The following CCDC144A variants were observed in gnomAD, a reference collection of about 807,000 sequenced individuals.
CCDC144A encodes coiled-coil domain containing 144A, also known as coiled-coil domain-containing protein 144A.
Under a neutral mutation model 143.8 loss-of-function variants are expected in CCDC144A, and 41 were observed. The ratio of observed to expected loss-of-function variants is 0.29; its 90% CI spans 0.22 to 0.37. The LOEUF is 0.37. Ranked by LOEUF, CCDC144A falls within the 10% of genes least tolerant of loss-of-function variation. The pLI is 1.00. For synonymous variants in CCDC144A, 242 were observed against 517.9 expected, an observed-to-expected ratio of 0.47 and a Z score of 7.23; for missense variants, 637 against 1,488.8, an observed-to-expected ratio of 0.43 and a Z score of 9.41.
chr17:16,745,987 G>C, intron 12 of CCDC144A: 7 of 1,610,690 alleles, frequency 4.3e-6, no homozygotes, highest in Non-Finnish European at 5.9e-6. Context: ...TGGTGTCTTT[G>C]TGATTCAGAT....
chr17:16,704,411 C>T (rs1597538643), intron 2 of CCDC144A, among the ~76,000 whole-genome samples: 1 of 152,166 alleles, frequency 6.6e-6, no homozygotes. Context: ...GCCGAGATTG[C>T]GCCATTGCAC....
intron 2 of CCDC144A, among the ~76,000 whole-genome samples, chr17:16,695,642 A>G (rs1296592268): frequency 1.3e-5 from 2 of 151,766 alleles, no homozygotes; most frequent in African/African-American, 4.8e-5. Flanking sequence ...GGAGCTTGTT[A>G]TTATCATTGT....
the CCDC144A span, among the ~76,000 whole-genome samples, chr17:16,673,837 AT>A: frequency 6.6e-6 from 1 of 151,994 alleles, no homozygotes; most frequent in Non-Finnish European, 1.5e-5. Flanking sequence ...TTTGAGCATT[AT>A]TTTTTTTAAA....
At chr17:16,760,405 A>G (rs1468820039) in intron 12 of CCDC144A, among the ~76,000 whole-genome samples, 1 of 142,898 alleles carries the variant, frequency 7.0e-6, no homozygotes. Flanking sequence ...TTTTGTTGTC[A>G]TTCTTTAATG....
At chr17:16,733,809 T>C (rs1489761190) in intron 11 of CCDC144A, among the ~76,000 whole-genome samples, 1 of 152,132 alleles carries the variant, frequency 6.6e-6, no homozygotes, top group East Asian at 1.9e-4. Context: ...CCTTTCAGAA[T>C]TGTGTATAAA....
chr17:16,731,139 C>T (rs1396788314), intron 9 of CCDC144A: 1 of 151,980 alleles, frequency 6.6e-6, no homozygotes, highest in Non-Finnish European at 1.5e-5. Flanking sequence ...ATATTAGATC[C>T]TGTCTTGTTC....
upstream of CCDC144A, among the ~76,000 whole-genome samples, chr17:16,688,581 T>A (rs2018275): frequency 1.4e-5 from 2 of 140,736 alleles, no homozygotes; most frequent in Non-Finnish European, 3.0e-5. Context: ...CTCCACCTCC[T>A]GGGTTCAAGC....
At chr17:16,675,392 A>G in the CCDC144A span, among the ~76,000 whole-genome samples, 2 of 151,832 alleles carry the variant, frequency 1.3e-5, no homozygotes. Flanking sequence ...ATATTTTAAA[A>G]GATAAGCTTG....
At chr17:16,667,320 A>AGGCTGAGGAGGCTGAGGC in the CCDC144A span, among the ~76,000 whole-genome samples, 1 of 102,042 alleles carries the variant, frequency 9.8e-6, no homozygotes, top group Non-Finnish European at 2.1e-5. Flanking sequence ...GGGGCTGAGG[A>AGGCTGAGGAGGCTGAGGC]GGCTGAGGAG....
chr17:16,720,102 A>C, intron 6 of CCDC144A, 96 bp from the exon 7 acceptor site: 1 of 1,403,580 alleles, frequency 7.1e-7, no homozygotes, highest in South Asian at 1.4e-5. Context: ...AGTAACACAA[A>C]TGCAGACATT....
At chr17:16,696,562 A>C (rs1446280523) in intron 2 of CCDC144A, among the ~76,000 whole-genome samples, 3 of 149,632 alleles carry the variant, frequency 2.0e-5, no homozygotes, top group African/African-American at 7.4e-5. Flanking sequence ...TGAACCTTGG[A>C]GGCAGAGGCT....
chr17:16,704,416 T>C (rs1261317270), intron 2 of CCDC144A, among the ~76,000 whole-genome samples: 3 of 151,904 alleles, frequency 2.0e-5, no homozygotes, highest in Non-Finnish European at 2.9e-5. Context: ...GATTGCGCCA[T>C]TGCACTCCAG....
intron 11 of CCDC144A, among the ~76,000 whole-genome samples, 176 bp downstream of exon 11, chr17:16,732,842 A>T (rs1597568028): frequency 1.3e-5 from 2 of 150,962 alleles, no homozygotes; most frequent in East Asian, 3.9e-4. Flanking sequence ...TCATTGAATA[A>T]AGTCATGTTC....
At chr17:16,751,663 G>C (rs1253229600) in intron 12 of CCDC144A, among the ~76,000 whole-genome samples, 1 of 152,258 alleles carries the variant, frequency 6.6e-6, no homozygotes, top group East Asian at 1.9e-4. Flanking sequence ...ACAACTCTCT[G>C]GGGATGTGCT....
chr17:16,739,892 C>T (rs1207070500), intron 12 of CCDC144A, among the ~76,000 whole-genome samples: 4 of 150,724 alleles, frequency 2.7e-5, no homozygotes, highest in African/African-American at 9.9e-5. Context: ...TCACTTTTTG[C>T]TTCTTGAAGG....
intron 2 of CCDC144A, among the ~76,000 whole-genome samples, chr17:16,701,386 C>G (rs2143077263): frequency 6.7e-6 from 1 of 149,872 alleles, no homozygotes; most frequent in African/African-American, 2.5e-5. Context: ...CGTTAGGGTT[C>G]ACTCTTGGTG....
intron 8 of CCDC144A, among the ~76,000 whole-genome samples, chr17:16,723,700 A>G (rs1358483287): frequency 6.6e-6 from 1 of 152,112 alleles, no homozygotes; most frequent in Non-Finnish European, 1.5e-5. Flanking sequence ...GTCTATATAT[A>G]TAAGGGCACT....
intron 12 of CCDC144A, among the ~76,000 whole-genome samples, chr17:16,742,878 T>C (rs1216068190): frequency 1.3e-5 from 2 of 152,284 alleles, no homozygotes; most frequent in South Asian, 2.1e-4. Flanking sequence ...GAAATGTCTA[T>C]TTAAATTCTT....
chr17:16,670,639 C>G, the CCDC144A span, among the ~76,000 whole-genome samples: 1 of 151,958 alleles, frequency 6.6e-6, no homozygotes, highest in African/African-American at 2.4e-5. Flanking sequence ...TCCCAAGTAG[C>G]TGGGACTACA....
Sources: gnomAD v4.1 joint callset for allele counts (sites outside exome capture counted in the v4.1 genomes callset) on GRCh38, gnomAD v4.1.1 for gene constraint, MANE v1.5 for transcripts, NCBI Gene and HGNC (gene_info 2026-07-23, HGNC 2026-07-21) for gene names.